The following OXR1 variants were observed in gnomAD, a reference collection of about 807,000 sequenced individuals.
The protein encoded by OXR1 is oxidation resistance protein 1.
A neutral mutation model predicts 104.6 loss-of-function variants in OXR1; 41 were observed. The observed-to-expected ratio is 0.39, with a 90% CI of 0.31 to 0.51. The LOEUF is 0.51. Among genes scored for constraint, OXR1 ranks in the 20% least tolerant of loss-of-function variants. OXR1 has a pLI of 0.77. For synonymous variants in OXR1, 348 were observed against 348.4 expected, an observed-to-expected ratio of 1.00 and a Z score of 0.01; for missense variants, 955 against 1,031.9, an observed-to-expected ratio of 0.93 and a Z score of 1.02.
intron 11 of OXR1, among the ~76,000 whole-genome samples, chr8:106,715,797 C>A (rs1832185421): frequency 6.6e-6 from 1 of 152,116 alleles, no homozygotes. Flanking sequence ...GGAACTGTCT[C>A]AGTTTCTGTG....
At chr8:106,547,492 C>CTTTTTTTTT (rs60073341) in intron 3 of OXR1, among the ~76,000 whole-genome samples, 4 of 116,614 alleles carry the variant, frequency 3.4e-5, no homozygotes, top group African/African-American at 9.7e-5. Context: ...TTCTTTCTTT[C>CTTTTTTTTT]TTTTTTTTTT....
At chr8:106,313,146 A>G (rs1813779292) in intron 1 of OXR1, among the ~76,000 whole-genome samples, 1 of 152,068 alleles carries the variant, frequency 6.6e-6, no homozygotes, top group Admixed American at 6.5e-5. Context: ...AGTCACAATG[A>G]TATGTGAATC....
chr8:106,451,940 A>C (rs146179032), intron 2 of OXR1, among the ~76,000 whole-genome samples: 3 of 152,322 alleles, frequency 2.0e-5, no homozygotes, highest in African/African-American at 7.2e-5. Context: ...GCTACTGCTC[A>C]AACAGTAGGA....
intron 2 of OXR1, among the ~76,000 whole-genome samples, chr8:106,461,204 C>CTAGA (rs1490713313): frequency 6.6e-6 from 1 of 152,044 alleles, no homozygotes; most frequent in Non-Finnish European, 1.5e-5. Context: ...TCAGATCTGG[C>CTAGA]TAGAGTAAGA....
Position 106,414,713 on chromosome 8 carries a change from A to G in OXR1, c.23+55077A>G, listed in dbSNP as rs181076276. On this transcript the variant is annotated intron_variant, in intron 2 of 16. Coordinates refer to ENST00000517566, the MANE Select transcript of OXR1 (RefSeq NM_001198533.2). Reference sequence around the variant, plus strand: ...GGATAGAGATTAGAATGTGTGTTTGATAAACACGAAGTAGTTTGGTTTGGC... The same window carrying G: ...GGATAGAGATTAGAATGTGTGTTTGGTAAACACGAAGTAGTTTGGTTTGGC... 5.9e-5 allele frequency among the ~76,000 whole-genome samples: 9 copies of G among 152,282 alleles called. No individual in the cohort carries two copies. In the East Asian group the frequency reaches 1.7e-3, roughly 29 times the overall value.
intron 2 of OXR1, among the ~76,000 whole-genome samples, chr8:106,368,503 T>C (rs940196387): frequency 6.6e-6 from 1 of 152,162 alleles, no homozygotes; most frequent in Non-Finnish European, 1.5e-5. Flanking sequence ...ATGTGTGCCA[T>C]GGTGGTTTGC....
chr8:106,603,535 A>T (rs1820130159), intron 3 of OXR1, among the ~76,000 whole-genome samples: 1 of 152,192 alleles, frequency 6.6e-6, no homozygotes, highest in South Asian at 2.1e-4. Context: ...TGAGAGGTGT[A>T]TTAAGTGAAT....
At chr8:106,459,002 T>A (rs1820760924) in intron 2 of OXR1, among the ~76,000 whole-genome samples, 1 of 152,090 alleles carries the variant, frequency 6.6e-6, no homozygotes, top group Non-Finnish European at 1.5e-5. Context: ...GACTCTGGAC[T>A]TTGGGCTTTT....
At chr8:106,443,166 G>A (rs867667402) in intron 2 of OXR1, among the ~76,000 whole-genome samples, 16 of 151,988 alleles carry the variant, frequency 1.1e-4, no homozygotes, top group Admixed American at 3.9e-4. Flanking sequence ...ATTTACTTAG[G>A]AGTCATTCAG....
intron 2 of OXR1, among the ~76,000 whole-genome samples, chr8:106,363,138 A>C (rs754224044): frequency 6.6e-6 from 1 of 152,228 alleles, no homozygotes; most frequent in Non-Finnish European, 1.5e-5. Flanking sequence ...CCAAGTAGCC[A>C]CTCAAAAACT....
rs146649891 is a variant in OXR1, at chr8:106,589,141, G to T, written c.220+70002G>T. ...GTGAACAGCATGCAGGGGAGAGAGC[G>T]AGCAGGTGCTGATCATTTTGGTGCC... is the stretch of plus-strand genomic sequence containing the variant. On this transcript the variant is annotated intron_variant, in intron 3 of 16. Transcript: ENST00000517566. Among the ~76,000 whole-genome samples, 1,065 of 152,294 alleles carry T rather than the reference G, an allele frequency of 7.0e-3. 29 individuals carry two copies. The highest frequency in any genetic ancestry group is 0.045 in the Admixed American group (695 of 15,304).
At chr8:106,718,485 T>C (rs1014456037) in intron 11 of OXR1, among the ~76,000 whole-genome samples, 13 of 152,304 alleles carry the variant, frequency 8.5e-5, no homozygotes, top group Non-Finnish European at 1.3e-4. Flanking sequence ...CTGCTCACGA[T>C]GTGTAAAGGA....
intron 2 of OXR1, among the ~76,000 whole-genome samples, chr8:106,494,667 A>G (rs986845824): frequency 1.3e-5 from 2 of 152,222 alleles, no homozygotes; most frequent in Non-Finnish European, 2.9e-5. Context: ...TCTCATTTAT[A>G]TATAAACAAA....
At chr8:106,724,534 CCAT>C (rs1249828005) in intron 11 of OXR1, among the ~76,000 whole-genome samples, 1 of 152,148 alleles carries the variant, frequency 6.6e-6, no homozygotes, top group Non-Finnish European at 1.5e-5. Flanking sequence ...AGTTCCCAGA[CCAT>C]CAGCAGCAGC....
intron 3 of OXR1, among the ~76,000 whole-genome samples, chr8:106,544,506 C>T (rs768651537): frequency 2.5e-4 from 38 of 151,992 alleles, no homozygotes; most frequent in Non-Finnish European, 4.7e-4. Flanking sequence ...TATTGGAAAG[C>T]GATTATGTCT....
intron 1 of OXR1, among the ~76,000 whole-genome samples, chr8:106,357,322 T>C (rs1388999859): frequency 6.6e-6 from 1 of 151,794 alleles, no homozygotes; most frequent in South Asian, 2.1e-4. Flanking sequence ...GAATTTGGAG[T>C]TCCTTTGCCT....
At chr8:106,670,960 G>C (rs1826885070) in intron 3 of OXR1, among the ~76,000 whole-genome samples, 1 of 146,500 alleles carries the variant, frequency 6.8e-6, no homozygotes, top group Admixed American at 7.0e-5. Context: ...CACAAGAATT[G>C]CTTGAACCTG....
intron 1 of OXR1, among the ~76,000 whole-genome samples, chr8:106,295,192 G>A (rs1229144791): frequency 6.6e-6 from 1 of 152,160 alleles, no homozygotes; most frequent in Non-Finnish European, 1.5e-5. Context: ...CCAAGGCAAA[G>A]CCTTCATTAG....
chr8:106,749,288 C>A (rs542996409), intron 16 of OXR1, among the ~76,000 whole-genome samples: 1 of 150,286 alleles, frequency 6.7e-6, no homozygotes, highest in East Asian at 2.0e-4. Context: ...GCTTGCAGTG[C>A]GCCAAGATCA....
Sources: gnomAD v4.1 joint callset for allele counts (sites outside exome capture counted in the v4.1 genomes callset) on GRCh38, gnomAD v4.1.1 for gene constraint, MANE v1.5 for transcripts, NCBI Gene and HGNC (gene_info 2026-07-23, HGNC 2026-07-21) for gene names.